DCTN6: variants seen among roughly 807,000 people sequenced by gnomAD.
DCTN6 encodes the protein dynactin 6.
DCTN6 carries 15 observed loss-of-function variants against 25.8 expected under a neutral mutation model. The ratio of observed to expected loss-of-function variants is 0.58; its 90% CI spans 0.39 to 0.89. DCTN6 has a LOEUF of 0.89. Among genes scored for constraint, DCTN6 ranks in the 40% least tolerant of loss-of-function variants. The pLI, the probability that DCTN6 is intolerant of heterozygous loss-of-function variation, is 0.00. For synonymous variants in DCTN6, 64 were observed against 78.3 expected (o/e 0.82, Z 0.96); for missense variants, 198 against 237.6 (o/e 0.83, Z 1.09).
chr8:30,157,694 G>GA (rs1803544574), intron 1 of DCTN6, among the ~76,000 whole-genome samples: 1 of 152,030 alleles, frequency 6.6e-6, no homozygotes, highest in African/African-American at 2.4e-5. Flanking sequence ...ATTGCTGGGG[G>GA]CTGTTGGTGG....
intron 1 of DCTN6, among the ~76,000 whole-genome samples, chr8:30,157,915 G>A (rs906014676): frequency 1.2e-4 from 18 of 152,146 alleles, no homozygotes; most frequent in Middle Eastern, 3.4e-3. Context: ...TAAATATTAT[G>A]TGCAGTAGAT....
intron 1 of DCTN6, among the ~76,000 whole-genome samples, chr8:30,161,180 C>T (rs1803589301): frequency 6.6e-6 from 1 of 152,206 alleles, no homozygotes; most frequent in South Asian, 2.1e-4. Flanking sequence ...CACTGTCTCT[C>T]TGTCCTGCTG....
At chr8:30,177,744 A>G (rs909183432) in intron 4 of DCTN6, among the ~76,000 whole-genome samples, 2 of 152,190 alleles carry the variant, frequency 1.3e-5, no homozygotes, top group African/African-American at 4.8e-5. Flanking sequence ...AAAATAAATA[A>G]AAGTAGGTCA....
chr8:30,171,571 T>G (rs1344978516), intron 2 of DCTN6, among the ~76,000 whole-genome samples: 4 of 152,176 alleles, frequency 2.6e-5, no homozygotes, highest in Admixed American at 2.6e-4. Flanking sequence ...TATCTAAGAT[T>G]TTTAAAGCTA....
chr8:30,175,383 G>A (rs978097898), intron 3 of DCTN6, among the ~76,000 whole-genome samples, 193 bp downstream of exon 3: 1 of 152,204 alleles, frequency 6.6e-6, no homozygotes, highest in African/African-American at 2.4e-5. Flanking sequence ...ACTTGTCCAA[G>A]ATGAGAGAGC....
intron 1 of DCTN6, among the ~76,000 whole-genome samples, chr8:30,162,713 T>C (rs962259726): frequency 1.3e-5 from 2 of 152,190 alleles, no homozygotes; most frequent in Non-Finnish European, 1.5e-5. Flanking sequence ...CAATAAGTTA[T>C]ATGGAAATTA....
chr8:30,156,701 A>G (rs557002488), intron 1 of DCTN6, among the ~76,000 whole-genome samples: 39 of 151,892 alleles, frequency 2.6e-4, no homozygotes, highest in African/African-American at 9.2e-4. Flanking sequence ...GGGGGCTGTG[A>G]GGGGAGGGTG....
chr8:30,167,492 C>T (rs113020489), intron 2 of DCTN6, among the ~76,000 whole-genome samples: 1,534 of 151,968 alleles, frequency 0.01, 19 homozygotes, highest in South Asian at 0.064. Flanking sequence ...TCTACAGTGA[C>T]GCACCACCAC....
intron 1 of DCTN6, among the ~76,000 whole-genome samples, chr8:30,157,708 T>C (rs543458417): frequency 6.6e-6 from 1 of 152,146 alleles, no homozygotes; most frequent in South Asian, 2.1e-4. Context: ...TTGGTGGCTG[T>C]TGGTGGCTGG....
At position 30,183,461 on chromosome 8, in the gene DCTN6, C is replaced by A; in HGVS notation, c.*288C>A. ...AAATTTTAGTTATGTAAAAGGCTAC[C>A]CTTGACAAGAAAAGACATACTGTCA... On this transcript the variant is annotated 3_prime_UTR_variant, in exon 7 of 7. Coordinates refer to ENST00000221114, the MANE Select transcript of DCTN6 (RefSeq NM_006571.4). 4.2e-6 allele frequency: 1 copy of A among 236,258 alleles called. No individual in the cohort carries two copies. The highest frequency in any genetic ancestry group is 8.2e-6 in the Non-Finnish European group (1 of 122,256). The allele number at this position is 236,258 out of a possible 1,614,324, so 14.6% of individuals were successfully genotyped here.
intron 1 of DCTN6, among the ~76,000 whole-genome samples, chr8:30,160,358 A>C (rs1166593954): frequency 6.6e-6 from 1 of 152,200 alleles, no homozygotes; most frequent in Non-Finnish European, 1.5e-5. Context: ...CTTCCCTGCC[A>C]CCATGTGAAG....
At chr8:30,172,422 G>A (rs1803775624) in intron 2 of DCTN6, among the ~76,000 whole-genome samples, 1 of 151,570 alleles carries the variant, frequency 6.6e-6, no homozygotes, top group Non-Finnish European at 1.5e-5. Flanking sequence ...ACTTTTTAAT[G>A]AGATATAGTT....
At chr8:30,158,121 C>G (rs1374796657) in intron 1 of DCTN6, among the ~76,000 whole-genome samples, 2 of 152,190 alleles carry the variant, frequency 1.3e-5, no homozygotes, top group East Asian at 3.9e-4. Flanking sequence ...GAGAAGTGTG[C>G]TGATTGTGAC....
At chr8:30,179,957 C>T (rs1435818075) in intron 5 of DCTN6, among the ~76,000 whole-genome samples, 3 of 152,208 alleles carry the variant, frequency 2.0e-5, no homozygotes, top group Non-Finnish European at 4.4e-5. Flanking sequence ...CAGAAAAAAC[C>T]TGAATGATGA....
chr8:30,163,309 A>G (rs192721248), intron 1 of DCTN6, among the ~76,000 whole-genome samples: 44 of 152,062 alleles, frequency 2.9e-4, no homozygotes, highest in Middle Eastern at 6.8e-3. Flanking sequence ...AAAAAAAAAG[A>G]TGAGGTCTCA....
In DCTN6 at chr8:30,165,231, G is replaced by A. The variant is rs140090601; in HGVS notation, c.88+1056G>A. 1.4e-3 allele frequency among the ~76,000 whole-genome samples: 213 copies of A among 152,060 alleles called. 1 individual carries two copies. In the East Asian group the frequency reaches 0.017, roughly 12 times the overall value. ...AGTTCAAGTCCAACATTTTACTTAC[G>A]TGAACTTGACTAAGTTCCTCAAACA... On this transcript the variant is annotated intron_variant, in intron 2 of 6. Coordinates refer to ENST00000221114, the MANE Select transcript of DCTN6 (RefSeq NM_006571.4).
chr8:30,179,377 T>G, intron 4 of DCTN6, 31 bp from the exon 5 acceptor site: 1 of 1,581,464 alleles, frequency 6.3e-7, no homozygotes. Context: ...GATGAACATA[T>G]TTGTAGTATT....
Position 30,169,028 on chromosome 8 carries a change from G to A in DCTN6, c.88+4853G>A, listed in dbSNP as rs773666978. On this transcript the variant is annotated intron_variant, in intron 2 of 6. Coordinates refer to ENST00000221114, the MANE Select transcript of DCTN6 (RefSeq NM_006571.4). The stretch of plus-strand genomic sequence containing the variant: ...GTGGTCCATTACAGGGCGAGAGGCC[G>A]GGACAGAACTTGGTCAGGACATCAG... 3.9e-5 allele frequency among the ~76,000 whole-genome samples: 6 copies of A among 152,326 alleles called. No homozygotes were observed. In the South Asian group the frequency reaches 8.3e-4, roughly 21 times the overall value.
intron 2 of DCTN6, among the ~76,000 whole-genome samples, chr8:30,169,477 A>G (rs759697454): frequency 1.3e-4 from 20 of 152,180 alleles, no homozygotes; most frequent in Non-Finnish European, 2.8e-4. Flanking sequence ...TCAGCCAGTA[A>G]GGCAGTTCCA....
Sources: gnomAD v4.1 joint callset for allele counts (sites outside exome capture counted in the v4.1 genomes callset) on GRCh38, gnomAD v4.1.1 for gene constraint, MANE v1.5 for transcripts, NCBI Gene and HGNC (gene_info 2026-07-23, HGNC 2026-07-21) for gene names.